Variants in FANCA observed in about 807,000 individuals in gnomAD.
FANCA encodes Fanconi anemia group A protein.
In FANCA, 236 loss-of-function variants were observed where a neutral mutation model predicts 194.3. That is an observed-to-expected ratio of 1.21 (90% CI 1.09 to 1.35). The LOEUF (loss-of-function observed/expected upper bound fraction) is 1.35. FANCA is among the 40% of genes most tolerant of loss of function. The pLI is 0.00. For missense variants in FANCA, 2,628 were observed against 1,813.9 expected (o/e 1.45, Z -8.15); for synonymous variants, 1,014 against 715.8 (o/e 1.42, Z -6.65).
chr16:89,769,429 G>C (rs927933263), intron 26 of FANCA, among the ~76,000 whole-genome samples: 10 of 152,140 alleles, frequency 6.6e-5, no homozygotes, highest in South Asian at 2.1e-4. Flanking sequence ...CTGAGCCCTA[G>C]AGAAACAGCC....
chr16:89,812,311 C>T (rs902762176), intron 3 of FANCA, among the ~76,000 whole-genome samples: 1 of 150,670 alleles, frequency 6.6e-6, no homozygotes, highest in African/African-American at 2.4e-5. Flanking sequence ...ACACTGCAGT[C>T]TGGGCGACAG....
chr16:89,809,990 C>A (rs1004898736), intron 5 of FANCA, among the ~76,000 whole-genome samples: 1 of 151,994 alleles, frequency 6.6e-6, no homozygotes, highest in Non-Finnish European at 1.5e-5. Flanking sequence ...TGCGCCACTG[C>A]ACTCCAGCCT....
At chr16:89,752,034 T>C in intron 31 of FANCA, 104 bp downstream of exon 31, 4 of 992,824 alleles carry the variant, frequency 4.0e-6, no homozygotes, top group Non-Finnish European at 6.5e-6. Flanking sequence ...CCTCCCAAAG[T>C]TCTGGGATTA....
rs2151709677 is a variant in FANCA at position 89,738,622 on chromosome 16, G to T, written c.4347C>A (p.Ser1449=). 6.8e-6 allele frequency: 11 copies of T among 1,613,606 alleles called. No individual in the cohort carries two copies. Among genetic ancestry groups the T allele is most frequent in the Non-Finnish European group, 9.3e-6 (11 of 1,180,034 alleles). The change falls in exon 43 of 43, where the codon TCC becomes TCA. Residue 1449 remains serine, a synonymous_variant. Transcript: ENST00000389301. ...RQQAAPDADL[S]QEPHLF is the part of the protein sequence containing the mutation. ...CCCGTCAGAAGAGATGAGGCTCCTG[G>T]GACAGGTCAGCGTCAGGGGCAGCCT... is the stretch of plus-strand genomic sequence containing the variant.
chr16:89,748,961 C>G (rs376308542), intron 32 of FANCA, among the ~76,000 whole-genome samples, 194 bp from the exon 33 acceptor site: 1 of 152,092 alleles, frequency 6.6e-6, no homozygotes, highest in Non-Finnish European at 1.5e-5. Flanking sequence ...TGTGTTTGGC[C>G]CACTGCATTC....
chr16:89,756,735 C>G (rs2038779272), intron 30 of FANCA, among the ~76,000 whole-genome samples: 1 of 152,156 alleles, frequency 6.6e-6, no homozygotes, highest in Non-Finnish European at 1.5e-5. Context: ...TCTGTGCAAA[C>G]CTACCCATAA....
chr16:89,816,603 A>G lies in FANCA; in HGVS notation c.13T>C (p.Trp5Arg), dbSNP rs1204745684. The G allele has an allele frequency of 1.3e-6, 2 of 1,525,968 alleles. No homozygotes were observed. The allele number at this position is 1,525,968 out of a possible 1,614,324, so 94.5% of individuals were successfully genotyped here. The change falls in exon 1 of 43, where the codon TGG becomes CGG. Residue 5 changes from tryptophan (W) to arginine (R), a missense_variant. Trp to Arg is a moderately radical substitution (Grantham distance 101). Transcript: ENST00000389301. ...TGGCCCGAGGCGGAGTTCGGGACCC[A>G]CGAGTCGGACATGGCCTTGGCGCCT... is the stretch of plus-strand genomic sequence containing the variant. MSDS[W>R]VPNSASGQDP...
At chr16:89,777,936 C>A (rs910699786) in intron 20 of FANCA, among the ~76,000 whole-genome samples, 1 of 151,882 alleles carries the variant, frequency 6.6e-6, no homozygotes, top group Non-Finnish European at 1.5e-5. Context: ...CCGAGGTGGG[C>A]AGATCGCTTG....
At chr16:89,764,747 G>GCA (rs2039066416) in intron 28 of FANCA, 143 bp downstream of exon 28, 7 of 988,638 alleles carry the variant, frequency 7.1e-6, no homozygotes, top group South Asian at 2.6e-5. Flanking sequence ...GAGACAGTCG[G>GCA]CACACACACA....
At position 89,748,669 on chromosome 16, in the gene FANCA, T is replaced by A. The variant is rs1204335568; in HGVS notation, c.3338A>T (p.Asn1113Ile). The change falls in exon 33 of 43, where the codon AAC (asparagine) becomes ATC (isoleucine). Residue 1113 changes from asparagine (N) to isoleucine (I), a missense_variant. Coordinates refer to ENST00000389301, the MANE Select transcript of FANCA (RefSeq NM_000135.4). ...ARCEQFFHLV[N>I]SEMRNFCSHG... ...ACACGGGGCACCTACCATCTCAGAG[T>A]TGACCAAGTGGAAGAACTGCTCGCA... 1.4e-5 allele frequency: 23 copies of A among 1,613,706 alleles called. No individual in the cohort carries two copies. The highest frequency in any genetic ancestry group is 1.6e-5 in the Non-Finnish European group (19 of 1,179,748).
chr16:89,747,614 G>A (rs1216159054), intron 33 of FANCA, among the ~76,000 whole-genome samples: 3 of 152,050 alleles, frequency 2.0e-5, no homozygotes, highest in Non-Finnish European at 4.4e-5. Context: ...CAGGAGAATC[G>A]CTTGAACCTG....
In FANCA at chr16:89,808,937, G is replaced by T. The variant is rs556439541; in HGVS notation, c.523-570C>A. ...TTTTTTTTTTTTGAGACAGAGTCGC[G>T]CTCTGTCACCCAGGCTGGAGTGCAG... On this transcript the variant is annotated intron_variant, in intron 5 of 42. Transcript: ENST00000389301. Among the ~76,000 whole-genome samples, 318 of 150,348 alleles carry T rather than the reference G, an allele frequency of 2.1e-3. 1 individual carries two copies. Among genetic ancestry groups the T allele is most frequent in the African/African-American group, 7.4e-3 (304 of 40,846 alleles).
At chr16:89,771,968 C>T (rs1265235472) in intron 22 of FANCA, among the ~76,000 whole-genome samples, 154 bp from the exon 23 acceptor site, 1 of 152,224 alleles carries the variant, frequency 6.6e-6, no homozygotes, top group African/African-American at 2.4e-5. Context: ...AGTGTTTGTT[C>T]GCCCCGCAGG....
chr16:89,778,788 C>A lies in FANCA; in HGVS notation c.1826+13G>T. ...CTGGAAGTAGTCATCCCCTTCTAACCGTTGCTGCATACCTCTTCAGAGACT... is the reference window on the plus strand; with the variant it reads ...CTGGAAGTAGTCATCCCCTTCTAACAGTTGCTGCATACCTCTTCAGAGACT... On this transcript the variant is annotated intron_variant, in intron 20 of 42. Coordinates refer to ENST00000389301, the MANE Select transcript of FANCA (RefSeq NM_000135.4). The A allele has an allele frequency of 1.2e-6, 2 of 1,613,066 alleles. No individual in the cohort carries two copies. The highest frequency in any genetic ancestry group is 1.1e-5 in the South Asian group (1 of 91,036).
At chr16:89,788,239 G>C (rs1467920735) in intron 14 of FANCA, among the ~76,000 whole-genome samples, 1 of 151,884 alleles carries the variant, frequency 6.6e-6, no homozygotes, top group Non-Finnish European at 1.5e-5. Flanking sequence ...AAGTGGGGCG[G>C]ATGACAAACT....
At chr16:89,754,813 C>T (rs144127644) in intron 30 of FANCA, among the ~76,000 whole-genome samples, 5 of 152,288 alleles carry the variant, frequency 3.3e-5, no homozygotes, top group East Asian at 1.9e-4. Flanking sequence ...AAAGAAGACT[C>T]GCTATCACTG....
intron 37 of FANCA, 122 bp downstream of exon 37, chr16:89,742,678 T>TAAAAAAAAAAAAAAAAA (rs2062165919): frequency 1.7e-6 from 1 of 603,110 alleles, no homozygotes; most frequent in East Asian, 4.5e-5. Context: ...AAAAAAAAAG[T>TAAAAAAAAAAAAAAAAA]CTTGCTCCAA....
At chr16:89,758,546 A>C in intron 30 of FANCA, 31 bp downstream of exon 30, 1 of 1,610,618 alleles carries the variant, frequency 6.2e-7, no homozygotes, top group Non-Finnish European at 8.5e-7. Flanking sequence ...CTGTCCCTCC[A>C]GAGAACCCTA....
intron 27 of FANCA, among the ~76,000 whole-genome samples, chr16:89,766,003 T>TTTA (rs1567615377): frequency 1.4e-5 from 2 of 138,354 alleles, no homozygotes; most frequent in Non-Finnish European, 3.2e-5. Flanking sequence ...TTATTTATTT[T>TTTA]TTTTTTTTTT....
Sources: allele counts gnomAD v4.1 joint callset (sites outside exome capture counted in the v4.1 genomes callset), GRCh38; gene constraint gnomAD v4.1.1; transcripts MANE v1.5; gene names NCBI Gene and HGNC (gene_info 2026-07-23, HGNC 2026-07-21).